Variants in TMC5 observed in about 807,000 individuals in gnomAD.
TMC5 encodes the protein transmembrane channel like 5, also known as transmembrane channel-like protein 5.
In TMC5, 86 loss-of-function variants were observed where a neutral mutation model predicts 110.5. That is an observed-to-expected ratio of 0.78 (90% CI 0.65 to 0.93). TMC5 has a LOEUF of 0.93. TMC5 is among the 40% of genes least tolerant of loss of function. The pLI is 0.00. For synonymous variants in TMC5, 455 were observed against 439.5 expected, an observed-to-expected ratio of 1.04 and a Z score of -0.44; for missense variants, 1,144 against 1,222.8, an observed-to-expected ratio of 0.94 and a Z score of 0.96.
intron 5 of TMC5, among the ~76,000 whole-genome samples, chr16:19,458,606 C>T (rs936975637): frequency 1.4e-4 from 22 of 152,214 alleles, no homozygotes; most frequent in African/African-American, 4.3e-4. Context: ...TATCCCTTTA[C>T]TCACACAAAG....
intron 2 of TMC5, among the ~76,000 whole-genome samples, chr16:19,435,422 A>C (rs2143438580): frequency 1.3e-5 from 2 of 152,052 alleles, no homozygotes; most frequent in East Asian, 3.9e-4. Context: ...GAATGGCGTG[A>C]ACCCGGGAGG....
rs1966896139 is a variant in TMC5 at position 19,417,998 on chromosome 16, T to C, written c.-402T>C. 6.6e-6 allele frequency: 1 copy of C among 151,882 alleles called. No homozygotes were observed. The highest frequency in any genetic ancestry group is 6.6e-5 in the Admixed American group (1 of 15,242). The allele number at this position is 151,882 out of a possible 1,614,324, so 9.4% of individuals were successfully genotyped here. On this transcript the variant is annotated 5_prime_UTR_variant, in exon 1 of 22. Coordinates refer to ENST00000542583, the MANE Select transcript of TMC5 (RefSeq NM_001261841.2). Reference sequence around the variant, plus strand: ...AAAAAGATGGGCCTTACCGGTTAGTTAAGAAAAAAAGAGGACCTGTTGCCT... The same window carrying C: ...AAAAAGATGGGCCTTACCGGTTAGTCAAGAAAAAAAGAGGACCTGTTGCCT...
intron 12 of TMC5, chr16:19,474,935 C>T (rs1209319657): frequency 2.0e-5 from 3 of 152,300 alleles, no homozygotes; most frequent in Admixed American, 1.3e-4. Context: ...AATTCCACCA[C>T]CCAAACAAAG....
At position 19,490,480 on chromosome 16, in the gene TMC5, A is replaced by G. The variant is rs1229988190; in HGVS notation, c.2659A>G (p.Thr887Ala). The change falls in exon 18 of 22, where the codon ACA becomes GCA. Residue 887 changes from threonine (T) to alanine (A), a missense_variant. Physicochemically the swap from Thr to Ala is moderately conservative, Grantham distance 58. Coordinates refer to ENST00000542583, the MANE Select transcript of TMC5 (RefSeq NM_001261841.2). ...SIYSWIDTLS[T>A]RPGYLWVVWI... ...CTACAGCTGGATCGACACCCTAAGT[A>G]CACGGCCTGGCTACCTGTGGGTTGT... is the stretch of plus-strand genomic sequence containing the variant. 7 of 1,614,006 alleles carry G rather than the reference A, an allele frequency of 4.3e-6. No homozygotes were observed. The highest frequency in any genetic ancestry group is 5.9e-6 in the Non-Finnish European group (7 of 1,180,040).
chr16:19,444,323 A>G, intron 4 of TMC5, 73 bp downstream of exon 4: 2 of 1,395,004 alleles, frequency 1.4e-6, no homozygotes, highest in Non-Finnish European at 2.0e-6. Context: ...TGCAATCATT[A>G]AGGAGACTTG....
intron 18 of TMC5, among the ~76,000 whole-genome samples, chr16:19,491,002 C>CCTTA (rs1210319114): frequency 1.5e-5 from 2 of 130,502 alleles, no homozygotes; most frequent in South Asian, 2.6e-4. Context: ...TTCCTTCCTT[C>CCTTA]CTTACTTCTC....
At chr16:19,457,045 G>A (rs1174036854) in intron 5 of TMC5, 2 of 1,565,338 alleles carry the variant, frequency 1.3e-6, no homozygotes, top group Non-Finnish European at 8.7e-7. Context: ...AGAGAAGTAG[G>A]GGAGTAGGAA....
intron 2 of TMC5, among the ~76,000 whole-genome samples, chr16:19,438,475 G>T (rs1274682789): frequency 1.4e-5 from 1 of 70,138 alleles, no homozygotes; most frequent in East Asian, 6.2e-4. Context: ...AACCAAGCAT[G>T]GTGACTCATG....
At chr16:19,423,994 T>A (rs747054385) in intron 1 of TMC5, among the ~76,000 whole-genome samples, 17 of 152,182 alleles carry the variant, frequency 1.1e-4, no homozygotes, top group Non-Finnish European at 1.9e-4. Flanking sequence ...CCTCAGGTGT[T>A]CTGCCCACCT....
intron 12 of TMC5, among the ~76,000 whole-genome samples, chr16:19,475,516 C>G (rs532995687): frequency 6.6e-6 from 1 of 152,118 alleles, no homozygotes; most frequent in Non-Finnish European, 1.5e-5. Context: ...CTGTGAGATC[C>G]GGCTCCCGGC....
At chr16:19,411,627 A>T (rs1966855948) in intron 1 of TMC5, 1 of 152,226 alleles carries the variant, frequency 6.6e-6, no homozygotes, top group Admixed American at 6.5e-5. Context: ...CCTATCTGTG[A>T]AACAGGTGCA....
chr16:19,472,297 T>C, intron 11 of TMC5, 54 bp downstream of exon 11: 1 of 1,595,458 alleles, frequency 6.3e-7, no homozygotes, highest in South Asian at 1.1e-5. Context: ...GATGAGATGC[T>C]GGAGGGGAAG....
At chr16:19,422,846 G>A (rs1021267110) in intron 1 of TMC5, among the ~76,000 whole-genome samples, 6 of 152,202 alleles carry the variant, frequency 3.9e-5, no homozygotes, top group African/African-American at 1.4e-4. Flanking sequence ...TGCTTGGGAG[G>A]CTGAGGCAGG....
At chr16:19,428,178 C>T (rs1967125313) in intron 1 of TMC5, among the ~76,000 whole-genome samples, 1 of 152,086 alleles carries the variant, frequency 6.6e-6, no homozygotes, top group African/African-American at 2.4e-5. Context: ...CTTCAAACAT[C>T]CATGTAAAAT....
intron 5 of TMC5, among the ~76,000 whole-genome samples, chr16:19,454,867 A>G (rs1319787029): frequency 6.6e-6 from 1 of 152,330 alleles, no homozygotes; most frequent in East Asian, 1.9e-4. Flanking sequence ...GGTTAGGTGC[A>G]ATGGTTCACA....
At chr16:19,430,211 T>C (rs529113582) in intron 1 of TMC5, among the ~76,000 whole-genome samples, 12 of 152,358 alleles carry the variant, frequency 7.9e-5, no homozygotes, top group African/African-American at 2.9e-4. Flanking sequence ...CTGGAATTCA[T>C]ATGAAAAAGA....
chr16:19,491,580 G>T (rs920963805), intron 18 of TMC5, among the ~76,000 whole-genome samples: 2 of 142,090 alleles, frequency 1.4e-5, no homozygotes, highest in African/African-American at 5.3e-5. Flanking sequence ...CTGTCACCCA[G>T]GCTGGAGTGC....
chr16:19,414,389 A>G (rs1277112490), upstream of TMC5, among the ~76,000 whole-genome samples: 1 of 152,216 alleles, frequency 6.6e-6, no homozygotes, highest in Non-Finnish European at 1.5e-5. Flanking sequence ...AAATATTTTC[A>G]TAGAAGGTGA....
At chr16:19,445,969 T>C (rs1967604806) in intron 4 of TMC5, among the ~76,000 whole-genome samples, 1 of 151,128 alleles carries the variant, frequency 6.6e-6, no homozygotes, top group African/African-American at 2.4e-5. Context: ...GAGCCATGAC[T>C]GTACCACTGC....
Sources: gnomAD v4.1 joint callset for allele counts (sites outside exome capture counted in the v4.1 genomes callset) on GRCh38, gnomAD v4.1.1 for gene constraint, MANE v1.5 for transcripts, NCBI Gene and HGNC (gene_info 2026-07-23, HGNC 2026-07-21) for gene names.